ARHGAP39: variants seen among roughly 807,000 people sequenced by gnomAD.
The protein encoded by ARHGAP39 is Rho GTPase activating protein 39.
Under a neutral mutation model 106.9 loss-of-function variants are expected in ARHGAP39, and 44 were observed. That is an observed-to-expected ratio of 0.41 (90% confidence interval 0.32 to 0.53). ARHGAP39 has a LOEUF of 0.53. Among genes scored for constraint, ARHGAP39 ranks in the 20% least tolerant of loss-of-function variants. The pLI is 0.21. For synonymous variants in ARHGAP39, 768 were observed against 693.2 expected (o/e 1.11, Z -1.69); for missense variants, 1,496 against 1,577.3 (o/e 0.95, Z 0.87).
chr8:144,673,879 G>C (rs1245649781), intron 1 of ARHGAP39, among the ~76,000 whole-genome samples: 1 of 152,258 alleles, frequency 6.6e-6, no homozygotes, highest in Non-Finnish European at 1.5e-5. Flanking sequence ...CTGCAGCGGG[G>C]CAGGCTGCTC....
chr8:144,606,537 G>A (rs1191378440), intron 1 of ARHGAP39, among the ~76,000 whole-genome samples: 4 of 152,182 alleles, frequency 2.6e-5, no homozygotes, highest in Non-Finnish European at 4.4e-5. Flanking sequence ...CAAAATGCAC[G>A]TGAATTGACT....
At chr8:144,651,114 G>C (rs1267991948) in intron 1 of ARHGAP39, among the ~76,000 whole-genome samples, 1 of 152,038 alleles carries the variant, frequency 6.6e-6, no homozygotes, top group Non-Finnish European at 1.5e-5. Flanking sequence ...ACCAACAACA[G>C]CCAAGTCGAG....
chr8:144,632,177 T>C (rs1306030463), intron 1 of ARHGAP39, among the ~76,000 whole-genome samples: 1 of 152,220 alleles, frequency 6.6e-6, no homozygotes, highest in Non-Finnish European at 1.5e-5. Context: ...TTCACTGCAG[T>C]ATAAGTTGCA....
chr8:144,578,645 G>A (rs1359519465), intron 3 of ARHGAP39, among the ~76,000 whole-genome samples: 1 of 152,060 alleles, frequency 6.6e-6, no homozygotes, highest in Non-Finnish European at 1.5e-5. Context: ...CTCAGGAGTT[G>A]GAGACCAGCC....
At chr8:144,663,543 C>G (rs116250134) in intron 1 of ARHGAP39, among the ~76,000 whole-genome samples, 1,754 of 152,286 alleles carry the variant, frequency 0.012, 42 homozygotes, top group African/African-American at 0.039. Flanking sequence ...AACTTCAACA[C>G]AAGACCTGGC....
At chr8:144,600,626 T>C (rs1436812590) in intron 2 of ARHGAP39, among the ~76,000 whole-genome samples, 1 of 144,462 alleles carries the variant, frequency 6.9e-6, no homozygotes, top group Non-Finnish European at 1.5e-5. Flanking sequence ...GCGTGCGCAC[T>C]TGGGTACCTA....
At chr8:144,558,593 A>AT (rs74313942) in intron 3 of ARHGAP39, among the ~76,000 whole-genome samples, 137,990 of 149,026 alleles carry the variant, frequency 0.93, 63,494 homozygotes, top group East Asian at 0.99. Flanking sequence ...GCGCCTGGCC[A>AT]TAAATTCTAG....
chr8:144,638,546 G>A lies in ARHGAP39; in HGVS notation c.-81-32851C>T, dbSNP rs75503681. Among the ~76,000 whole-genome samples, 2,489 of 152,142 alleles carry A rather than the reference G, an allele frequency of 0.016. 208 individuals are homozygous for A. The East Asian group carries it at 0.25, about 15-fold the overall frequency. ...AATCAACCTCTCTGTCACTTTCCCC[G>A]TCTTGTTAACTCTTGGCTGCATTCT... On this transcript the variant is annotated intron_variant, in intron 1 of 11. Coordinates refer to ENST00000377307, the MANE Select transcript of ARHGAP39 (RefSeq NM_025251.3).
At chr8:144,674,812 T>C (rs1822189427) in intron 1 of ARHGAP39, among the ~76,000 whole-genome samples, 1 of 152,188 alleles carries the variant, frequency 6.6e-6, no homozygotes, top group Admixed American at 6.5e-5. Context: ...GGCAGGGGGC[T>C]GGCATGTCAG....
At chr8:144,639,411 C>A (rs1821255900) in intron 1 of ARHGAP39, among the ~76,000 whole-genome samples, 1 of 150,634 alleles carries the variant, frequency 6.6e-6, no homozygotes, top group African/African-American at 2.4e-5. Context: ...ATCACAAAAA[C>A]TATTTCAAAA....
intron 4 of ARHGAP39, among the ~76,000 whole-genome samples, chr8:144,553,904 C>T (rs1397932582): frequency 1.3e-5 from 2 of 152,268 alleles, no homozygotes; most frequent in Non-Finnish European, 2.9e-5. Context: ...CCAGAGGGAG[C>T]CCAATGCCCC....
Position 144,670,163 on chromosome 8 carries a change from C to G in ARHGAP39, c.-82+15523G>C, listed in dbSNP as rs560003097. On this transcript the variant is annotated intron_variant, in intron 1 of 11. Coordinates refer to ENST00000377307, the MANE Select transcript of ARHGAP39 (RefSeq NM_025251.3). This position sits in a 1 kb window ranked among gnomAD's most constrained non-coding sequence, Gnocchi z 4.4. The stretch of plus-strand genomic sequence containing the variant: ...GCTAGAGCGTACCGGGAAGCAGGAT[C>G]AGGGCCTGGGACCAGGCGGCTGTAA... Among the ~76,000 whole-genome samples the G allele has an allele frequency of 6.6e-6, 1 of 151,482 alleles. No individual in the cohort carries two copies. The highest frequency in any genetic ancestry group is 6.6e-5 in the Admixed American group (1 of 15,196).
intron 1 of ARHGAP39, among the ~76,000 whole-genome samples, chr8:144,656,003 A>T (rs1821683427): frequency 6.6e-6 from 1 of 152,224 alleles, no homozygotes; most frequent in South Asian, 2.1e-4. Context: ...TCCCATGCCC[A>T]GTTAAACTAT....
intron 1 of ARHGAP39, among the ~76,000 whole-genome samples, chr8:144,629,027 C>A (rs938803037): frequency 2.6e-5 from 4 of 152,226 alleles, no homozygotes; most frequent in African/African-American, 9.6e-5. Context: ...CCCATTAGTG[C>A]CTCCCTCCCC....
chr8:144,621,732 G>A (rs1251818423), intron 1 of ARHGAP39, among the ~76,000 whole-genome samples: 1 of 152,142 alleles, frequency 6.6e-6, no homozygotes, highest in Non-Finnish European at 1.5e-5. Context: ...GTGGGAGGAT[G>A]GCTTGAGGCC....
At chr8:144,678,218 T>C (rs1822293381) in intron 1 of ARHGAP39, among the ~76,000 whole-genome samples, 1 of 151,742 alleles carries the variant, frequency 6.6e-6, no homozygotes, top group South Asian at 2.1e-4. Flanking sequence ...TGCACTGAGC[T>C]GTGATCATAC....
chr8:144,597,449 C>G (rs976256724), intron 2 of ARHGAP39, among the ~76,000 whole-genome samples: 3 of 152,216 alleles, frequency 2.0e-5, no homozygotes, highest in African/African-American at 7.2e-5. Context: ...ACACAGGACA[C>G]AGACAGCGAG....
intron 1 of ARHGAP39, among the ~76,000 whole-genome samples, chr8:144,661,010 A>G (rs1484884744): frequency 6.6e-6 from 1 of 152,036 alleles, no homozygotes; most frequent in Non-Finnish European, 1.5e-5. Context: ...ATGGTGGCAC[A>G]CGACTCTGTA....
At chr8:144,697,613 GA>G in the ARHGAP39 span, among the ~76,000 whole-genome samples, 9 of 151,852 alleles carry the variant, frequency 5.9e-5, no homozygotes, top group Admixed American at 3.9e-4. Context: ...TCCACCTCCC[GA>G]GTTCAGGCAA....
Sources: gnomAD v4.1 joint callset for allele counts (sites outside exome capture counted in the v4.1 genomes callset) on GRCh38, gnomAD v4.1.1 for gene constraint, Gnocchi (gnomAD v3.1) non-coding constraint, MANE v1.5 for transcripts, NCBI Gene and HGNC (gene_info 2026-07-23, HGNC 2026-07-21) for gene names.